ADAMTS20: variants seen among roughly 807,000 people sequenced by gnomAD.
The protein encoded by ADAMTS20 is A disintegrin and metalloproteinase with thrombospondin motifs 20.
In ADAMTS20, 225 loss-of-function variants were observed where a neutral mutation model predicts 260.1. The ratio of observed to expected loss-of-function variants is 0.87; its 90% CI spans 0.78 to 0.97. ADAMTS20 has a LOEUF of 0.97. ADAMTS20 is among the 50% of genes least tolerant of loss of function. The probability of loss-of-function intolerance (pLI) is 0.00; values close to 1 mark genes in which losing one functional copy is unlikely to be tolerated. For synonymous variants in ADAMTS20, 802 were observed against 769.5 expected (o/e 1.04, Z -0.70); for missense variants, 2,400 against 2,337.7 (o/e 1.03, Z -0.55).
chr12:43,466,462 T>A (rs968903596), intron 9 of ADAMTS20, among the ~76,000 whole-genome samples, 190 bp downstream of exon 9: 5 of 151,534 alleles, frequency 3.3e-5, no homozygotes, highest in African/African-American at 1.2e-4. Context: ...TGAAATTATA[T>A]ACATGTATAT....
intron 2 of ADAMTS20, among the ~76,000 whole-genome samples, chr12:43,546,786 T>C (rs1397725951): frequency 6.6e-6 from 1 of 152,214 alleles, no homozygotes; most frequent in Admixed American, 6.5e-5. Context: ...GTTCCATTTT[T>C]ATACTTTTTA....
At chr12:43,453,320 G>A (rs1209052398) in intron 12 of ADAMTS20, among the ~76,000 whole-genome samples, 1 of 151,994 alleles carries the variant, frequency 6.6e-6, no homozygotes, top group Non-Finnish European at 1.5e-5. Flanking sequence ...GTATCATATT[G>A]CTTACCAACT....
At chr12:43,480,105 G>C (rs960759911) in intron 7 of ADAMTS20, among the ~76,000 whole-genome samples, 6 of 152,096 alleles carry the variant, frequency 3.9e-5, no homozygotes, top group African/African-American at 1.4e-4. Context: ...AATAAAATCT[G>C]ATTTCCACTG....
chr12:43,517,083 C>T (rs554628884), intron 3 of ADAMTS20, among the ~76,000 whole-genome samples: 1 of 151,804 alleles, frequency 6.6e-6, no homozygotes, highest in Non-Finnish European at 1.5e-5. Flanking sequence ...ATAAAGGGTA[C>T]CTAAGAAAAA....
At chr12:43,404,935 C>G (rs1474064998) in intron 28 of ADAMTS20, among the ~76,000 whole-genome samples, 1 of 151,724 alleles carries the variant, frequency 6.6e-6, no homozygotes, top group Non-Finnish European at 1.5e-5. Context: ...AAATTATTGC[C>G]AGCTGAACAA....
chr12:43,451,914 A>G (rs533258089), intron 14 of ADAMTS20, among the ~76,000 whole-genome samples: 33 of 152,322 alleles, frequency 2.2e-4, no homozygotes, highest in Non-Finnish European at 4.4e-4. Context: ...ACGGACAAGG[A>G]AAACATTACT....
chr12:43,359,671 G>T (rs1443062286), intron 37 of ADAMTS20, among the ~76,000 whole-genome samples: 1 of 152,114 alleles, frequency 6.6e-6, no homozygotes, highest in Admixed American at 6.5e-5. Flanking sequence ...GGAAAAAAAA[G>T]ACCCACATAA....
At chr12:43,480,190 T>C (rs181679229) in intron 7 of ADAMTS20, among the ~76,000 whole-genome samples, 2 of 152,280 alleles carry the variant, frequency 1.3e-5, no homozygotes, top group Non-Finnish European at 2.9e-5. Context: ...ACACCTTAAC[T>C]CATTTTATAA....
At chr12:43,412,030 A>T in intron 28 of ADAMTS20, among the ~76,000 whole-genome samples, 1 of 152,194 alleles carries the variant, frequency 6.6e-6, no homozygotes, top group East Asian at 1.9e-4. Flanking sequence ...GAATAAAATG[A>T]TGAAATTATA....
intron 9 of ADAMTS20, among the ~76,000 whole-genome samples, chr12:43,465,717 A>T (rs1049594234): frequency 6.6e-6 from 1 of 152,098 alleles, no homozygotes; most frequent in Non-Finnish European, 1.5e-5. Flanking sequence ...TACATGTCAC[A>T]TCAGTATTTT....
At chr12:43,490,823 A>T (rs1456986598) in intron 6 of ADAMTS20, among the ~76,000 whole-genome samples, 1 of 152,076 alleles carries the variant, frequency 6.6e-6, no homozygotes, top group African/African-American at 2.4e-5. Flanking sequence ...TACGAAGTTG[A>T]TAAATTTTTT....
intron 15 of ADAMTS20, among the ~76,000 whole-genome samples, chr12:43,445,555 A>G (rs979475842): frequency 2.6e-5 from 4 of 152,116 alleles, no homozygotes; most frequent in Non-Finnish European, 5.9e-5. Context: ...GTCAGACTGT[A>G]AAAAATAGGC....
chr12:43,417,561 A>C (rs1285431579), intron 28 of ADAMTS20, among the ~76,000 whole-genome samples: 1 of 152,182 alleles, frequency 6.6e-6, no homozygotes, highest in African/African-American at 2.4e-5. Flanking sequence ...GGCTATAAAA[A>C]CAAATTACGT....
chr12:43,430,657 T>C (rs911899475), intron 22 of ADAMTS20, among the ~76,000 whole-genome samples, 186 bp from the exon 23 acceptor site: 10 of 152,126 alleles, frequency 6.6e-5, no homozygotes, highest in Non-Finnish European at 1.2e-4. Flanking sequence ...ATTAAGTAAA[T>C]ACCAAATATT....
At chr12:43,503,103 T>A (rs1942790789) in intron 3 of ADAMTS20, among the ~76,000 whole-genome samples, 2 of 151,142 alleles carry the variant, frequency 1.3e-5, no homozygotes, top group South Asian at 4.2e-4. Flanking sequence ...AACTTACACA[T>A]TTATGCCTGT....
chr12:43,425,579 C>G lies in ADAMTS20; in HGVS notation c.4219G>C (p.Val1407Leu). The G allele has an allele frequency of 3.7e-6, 6 of 1,609,038 alleles. No individual in the cohort carries two copies. Among genetic ancestry groups the G allele is most frequent in the Non-Finnish European group, 5.1e-6 (6 of 1,177,102 alleles). The change falls in exon 28 of 39, where the codon GTA becomes CTA. Residue 1407 changes from valine (V) to leucine (L), a missense_variant. Coordinates refer to ENST00000389420, the MANE Select transcript of ADAMTS20 (RefSeq NM_025003.5). The part of the protein sequence containing the change: ...NCEIVNKPPS[V>L]IQCHMHACPA... ...CAAGCATGCATATGACACTGTATTA[C>G]GCTAGGTGGCTTGTTTACAATTTCA...
intron 2 of ADAMTS20, among the ~76,000 whole-genome samples, chr12:43,537,513 AGT>A (rs2137514494): frequency 6.6e-6 from 1 of 152,256 alleles, no homozygotes; most frequent in South Asian, 2.1e-4. Context: ...ATGCTTTTTG[AGT>A]TACAAAAAAT....
intron 31 of ADAMTS20, among the ~76,000 whole-genome samples, chr12:43,382,678 C>A: frequency 6.7e-6 from 1 of 150,366 alleles, no homozygotes; most frequent in East Asian, 1.9e-4. Context: ...TAAAAAAATT[C>A]AAGAAAAAAA....
At chr12:43,463,245 T>C (rs941370576) in intron 10 of ADAMTS20, among the ~76,000 whole-genome samples, 1 of 152,224 alleles carries the variant, frequency 6.6e-6, no homozygotes, top group Admixed American at 6.5e-5. Context: ...GAGTTATGAA[T>C]TGGAGTGGAA....
Sources: allele counts gnomAD v4.1 joint callset (sites outside exome capture counted in the v4.1 genomes callset), GRCh38; gene constraint gnomAD v4.1.1; transcripts MANE v1.5; gene names NCBI Gene and HGNC (gene_info 2026-07-23, HGNC 2026-07-21).